FRMD3: variants seen among roughly 807,000 people sequenced by gnomAD.
FRMD3 encodes the protein FERM domain-containing protein 3.
FRMD3 carries 33 observed loss-of-function variants against 70.2 expected under a neutral mutation model. That is an observed-to-expected ratio of 0.47 (90% CI 0.36 to 0.63). The LOEUF (loss-of-function observed/expected upper bound fraction) is 0.63, where lower values mean the gene tolerates loss of function less well. FRMD3 is among the 20% of genes least tolerant of loss of function. The probability of loss-of-function intolerance (pLI) is 0.00; values close to 1 mark genes in which losing one functional copy is unlikely to be tolerated. For missense variants in FRMD3, 632 were observed against 711.4 expected, an observed-to-expected ratio of 0.89 and a Z score of 1.27; for synonymous variants, 279 against 255.9, an observed-to-expected ratio of 1.09 and a Z score of -0.86.
rs1804465005 is a variant in FRMD3, at chr9:83,537,905, G to GC, written c.147+179dup. Among the ~76,000 whole-genome samples the GC allele has an allele frequency of 1.3e-5, 2 of 152,082 alleles. No individual in the cohort carries two copies. The highest frequency in any genetic ancestry group is 2.9e-5 in the Non-Finnish European group (2 of 67,986). The stretch of plus-strand genomic sequence containing the variant: ...GTGCCTGGCGCTTGCAGGGCACCAT[G>GC]CCCCTCCATGCCAGGATAAGGCCCC... On this transcript the variant is annotated intron_variant, in intron 1 of 13. Coordinates refer to ENST00000304195, the MANE Select transcript of FRMD3 (RefSeq NM_174938.6). The surrounding 1 kb of genome is among the most constrained non-coding windows in gnomAD (Gnocchi z 4.1).
intron 5 of FRMD3, among the ~76,000 whole-genome samples, chr9:83,338,158 TG>T (rs1166849223): frequency 1.9e-4 from 29 of 151,946 alleles, no homozygotes; most frequent in Admixed American, 2.0e-4. Flanking sequence ...TAGGGAGAGA[TG>T]CTCAAACTCA....
intron 3 of FRMD3, among the ~76,000 whole-genome samples, chr9:83,366,035 A>T (rs985690576): frequency 1.3e-5 from 2 of 152,116 alleles, no homozygotes; most frequent in Non-Finnish European, 2.9e-5. Flanking sequence ...GTGGGGAAAG[A>T]TGCCAACAAC....
intron 1 of FRMD3, among the ~76,000 whole-genome samples, chr9:83,472,112 C>T (rs1013544241): frequency 2.0e-5 from 3 of 152,140 alleles, no homozygotes; most frequent in Non-Finnish European, 4.4e-5. Context: ...ACTCCATTCC[C>T]AGCCCTATTT....
At chr9:83,437,456 G>A in intron 1 of FRMD3, among the ~76,000 whole-genome samples, 1 of 152,178 alleles carries the variant, frequency 6.6e-6, no homozygotes, top group East Asian at 1.9e-4. Context: ...TTGTATGAGA[G>A]TCATACTTTT....
At position 83,299,156 on chromosome 9, in the gene FRMD3, T is replaced by C. The variant is rs748109321; in HGVS notation, c.957A>G (p.Val319=). The change falls in exon 11 of 14, where the codon GTA becomes GTG. Residue 319 remains valine, a synonymous_variant. Transcript: ENST00000304195. ...CTTTAAAAAATATCTTGCTGCTTGA[T>C]ACAGTCTTGATCTGACTGGATTTTG... ...KYAKSSQIKT[V]SSSKIFFKGS... The C allele has an allele frequency of 6.2e-7, 1 of 1,613,368 alleles. No individual in the cohort carries two copies. Among genetic ancestry groups the C allele is most frequent in the Admixed American group, 1.7e-5 (1 of 59,956 alleles).
At chr9:83,258,348 TG>T (rs2118652799) in intron 13 of FRMD3, among the ~76,000 whole-genome samples, 1 of 152,368 alleles carries the variant, frequency 6.6e-6, no homozygotes, top group South Asian at 2.1e-4. Context: ...CCAGCCTCTC[TG>T]TTAACTCTGA....
intron 3 of FRMD3, among the ~76,000 whole-genome samples, chr9:83,371,999 T>C (rs1227661979): frequency 6.6e-6 from 1 of 152,180 alleles, no homozygotes; most frequent in Non-Finnish European, 1.5e-5. Flanking sequence ...AATTTCTTCA[T>C]ATTCAAAAAA....
At chr9:83,386,910 G>A (rs1462007608) in intron 2 of FRMD3, among the ~76,000 whole-genome samples, 1 of 152,150 alleles carries the variant, frequency 6.6e-6, no homozygotes, top group Non-Finnish European at 1.5e-5. Flanking sequence ...TTAAGGTTAT[G>A]CATTATTGGG....
Position 83,439,966 on chromosome 9 carries a change from T to C in FRMD3, c.148-50258A>G, listed in dbSNP as rs117625038. The stretch of plus-strand genomic sequence containing the variant: ...TTCAGGAATTTTTCAAGCAGGGAAC[T>C]GCTTTCCAAGATCCATCTCAAGGTC... On this transcript the variant is annotated intron_variant, in intron 1 of 13. Coordinates refer to ENST00000304195, the MANE Select transcript of FRMD3 (RefSeq NM_174938.6). Among the ~76,000 whole-genome samples the C allele has an allele frequency of 2.4e-3, 365 of 152,354 alleles. 2 individuals are homozygous for C. The highest frequency in any genetic ancestry group is 4.1e-3 in the South Asian group (20 of 4,832).
chr9:83,375,825 G>A (rs1587790033), intron 2 of FRMD3, among the ~76,000 whole-genome samples: 1 of 152,152 alleles, frequency 6.6e-6, no homozygotes, highest in South Asian at 2.1e-4. Flanking sequence ...TATGACAAAA[G>A]TTTACCTATA....
At chr9:83,372,799 C>A in intron 3 of FRMD3, 114 bp downstream of exon 3, 2 of 916,924 alleles carry the variant, frequency 2.2e-6, no homozygotes, top group Admixed American at 1.9e-5. Flanking sequence ...AGCCCCCACA[C>A]CCCCCAACAC....
At chr9:83,322,216 T>A (rs1343293404) in intron 6 of FRMD3, among the ~76,000 whole-genome samples, 2 of 152,094 alleles carry the variant, frequency 1.3e-5, no homozygotes, top group African/African-American at 4.8e-5. Flanking sequence ...CTATATATGG[T>A]AGGAGAGCCT....
chr9:83,504,970 G>A (rs565476859), intron 1 of FRMD3, among the ~76,000 whole-genome samples: 5 of 152,272 alleles, frequency 3.3e-5, no homozygotes, highest in East Asian at 3.9e-4. Flanking sequence ...CAAACAACAC[G>A]CAATATTGGG....
chr9:83,532,723 T>C (rs1453845865), intron 1 of FRMD3, among the ~76,000 whole-genome samples: 3 of 152,094 alleles, frequency 2.0e-5, no homozygotes, highest in Non-Finnish European at 4.4e-5. Context: ...CATATATTCC[T>C]AGACACTTTT....
At chr9:83,512,886 G>C (rs181225398) in intron 1 of FRMD3, among the ~76,000 whole-genome samples, 26 of 152,328 alleles carry the variant, frequency 1.7e-4, no homozygotes, top group African/African-American at 6.3e-4. Flanking sequence ...AAGTCTGCAA[G>C]ACACGGAAGT....
intron 13 of FRMD3, among the ~76,000 whole-genome samples, chr9:83,253,043 A>G (rs1490446220): frequency 6.6e-6 from 1 of 152,202 alleles, no homozygotes; most frequent in African/African-American, 2.4e-5. Context: ...ATATCTACAG[A>G]AATCTCCACC....
At chr9:83,270,365 T>C (rs771709457) in intron 13 of FRMD3, among the ~76,000 whole-genome samples, 14 of 152,236 alleles carry the variant, frequency 9.2e-5, no homozygotes, top group Non-Finnish European at 1.8e-4. Context: ...ATTCCATGGC[T>C]GCTCCTGCAC....
At chr9:83,455,841 C>T (rs2131426231) in intron 1 of FRMD3, among the ~76,000 whole-genome samples, 1 of 152,214 alleles carries the variant, frequency 6.6e-6, no homozygotes, top group Admixed American at 6.5e-5. Context: ...TATATATGTG[C>T]ATGTAGACAG....
chr9:83,250,346 A>G (rs530572848), intron 13 of FRMD3, among the ~76,000 whole-genome samples: 1 of 152,334 alleles, frequency 6.6e-6, no homozygotes, highest in East Asian at 1.9e-4. Flanking sequence ...GGTCTGATAC[A>G]CAGAGCTGTG....
Sources: gnomAD v4.1 joint callset for allele counts (sites outside exome capture counted in the v4.1 genomes callset) on GRCh38, gnomAD v4.1.1 for gene constraint, Gnocchi (gnomAD v3.1) non-coding constraint, MANE v1.5 for transcripts, NCBI Gene and HGNC (gene_info 2026-07-23, HGNC 2026-07-21) for gene names.